Variants in LRCH1 observed in about 807,000 individuals in gnomAD.
LRCH1 encodes leucine-rich repeat and calponin homology domain-containing protein 1.
Under a neutral mutation model 94.9 loss-of-function variants are expected in LRCH1, and 23 were observed. The observed-to-expected ratio is 0.24, with a 90% CI of 0.17 to 0.34. The LOEUF (loss-of-function observed/expected upper bound fraction) is 0.34, where lower values mean the gene tolerates loss of function less well. Ranked by LOEUF, LRCH1 falls within the 10% of genes least tolerant of loss-of-function variation. The pLI is 1.00. For missense variants in LRCH1, 790 were observed against 945.9 expected, an observed-to-expected ratio of 0.84 and a Z score of 2.16; for synonymous variants, 364 against 354.9, an observed-to-expected ratio of 1.03 and a Z score of -0.29.
intron 2 of LRCH1, among the ~76,000 whole-genome samples, chr13:46,652,199 A>G (rs1019268448): frequency 6.7e-6 from 1 of 149,672 alleles, no homozygotes; most frequent in Non-Finnish European, 1.5e-5. Context: ...GCCTCAGCCT[A>G]CTGAGTAGCT....
At chr13:46,686,989 C>T (rs1458169658) in intron 5 of LRCH1, among the ~76,000 whole-genome samples, 3 of 112,804 alleles carry the variant, frequency 2.7e-5, no homozygotes, top group South Asian at 3.0e-4. Context: ...GACAGAGTCT[C>T]GCTCTGTCGC....
chr13:46,742,587 A>C lies in LRCH1; in HGVS notation c.*739A>C. On this transcript the variant is annotated 3_prime_UTR_variant, in exon 20 of 20. Coordinates refer to ENST00000389797, the MANE Select transcript of LRCH1 (RefSeq NM_001164211.2). ...CCTCACGTGGAGGAGTCACTTAAACACCAGTTTTTTACTGCTTAATTCCTT... is the reference window on the plus strand; with the variant it reads ...CCTCACGTGGAGGAGTCACTTAAACCCCAGTTTTTTACTGCTTAATTCCTT... 5.1e-6 allele frequency: 5 copies of C among 985,420 alleles called. No homozygotes were observed. Among genetic ancestry groups the C allele is most frequent in the Non-Finnish European group, 6.0e-6 (5 of 829,942 alleles). The allele number at this position is 985,420 out of a possible 1,614,324, so 61.0% of individuals were successfully genotyped here. A position where few individuals can be genotyped will look rare whatever the true frequency, so the allele number is the denominator to read the frequency against.
chr13:46,661,233 C>T (rs2051444205), intron 2 of LRCH1, among the ~76,000 whole-genome samples: 1 of 152,150 alleles, frequency 6.6e-6, no homozygotes, highest in South Asian at 2.1e-4. Flanking sequence ...CAAACCTGAA[C>T]ACAGAGGCAC....
intron 2 of LRCH1, among the ~76,000 whole-genome samples, chr13:46,651,703 CT>C (rs58584317): frequency 0.085 from 10,835 of 127,008 alleles, 498 homozygotes; most frequent in Middle Eastern, 0.14. Flanking sequence ...TGTAGAAGTG[CT>C]TTTTTTTTTT....
At chr13:46,692,147 T>TA (rs1348721420) in intron 7 of LRCH1, among the ~76,000 whole-genome samples, 1 of 152,136 alleles carries the variant, frequency 6.6e-6, no homozygotes, top group Non-Finnish European at 1.5e-5. Flanking sequence ...GGAGGGGACA[T>TA]ACATCCAAAC....
At chr13:46,623,178 T>A (rs2050900368) in intron 1 of LRCH1, among the ~76,000 whole-genome samples, 1 of 152,182 alleles carries the variant, frequency 6.6e-6, no homozygotes, top group African/African-American at 2.4e-5. Flanking sequence ...AGCTGGGGAC[T>A]TATCATCTGG....
chr13:46,578,879 G>A (rs1452711571), intron 1 of LRCH1, among the ~76,000 whole-genome samples: 1 of 152,174 alleles, frequency 6.6e-6, no homozygotes, highest in African/African-American at 2.4e-5. Context: ...TGGTTGGCGG[G>A]AGGAGGGGAG....
exon 19 of LRCH1, chr13:46,750,821 G>T: frequency 2.0e-6 from 1 of 505,182 alleles, no homozygotes; most frequent in South Asian, 3.2e-5. Flanking sequence ...TTTCAGAGCT[G>T]ACCTCCGACT....
rs184765677 is a variant in LRCH1 at position 46,577,245 on chromosome 13, C to T, written c.307+23542C>T. On this transcript the variant is annotated intron_variant, in intron 1 of 19. Transcript: ENST00000389797. ...CCAAGTAGCTAGGATTACAGGCACA[C>T]GCCACCATGCCTGGCTAATTTTTGT... 8.5e-5 allele frequency among the ~76,000 whole-genome samples: 13 copies of T among 152,242 alleles called. No homozygotes were observed. In the East Asian group the frequency reaches 1.2e-3, roughly 14 times the overall value.
chr13:46,738,434 T>A (rs1355584188), intron 19 of LRCH1, among the ~76,000 whole-genome samples: 1 of 152,264 alleles, frequency 6.6e-6, no homozygotes, highest in African/African-American at 2.4e-5. Context: ...AAAGGTTTTA[T>A]ATATGAAAGT....
At chr13:46,706,619 C>T (rs1024118463) in intron 13 of LRCH1, among the ~76,000 whole-genome samples, 7 of 152,046 alleles carry the variant, frequency 4.6e-5, no homozygotes, top group African/African-American at 7.2e-5. Flanking sequence ...GATGAGATCT[C>T]GCTTTGTTGC....
At chr13:46,611,899 G>A (rs2050751922) in intron 1 of LRCH1, among the ~76,000 whole-genome samples, 1 of 152,188 alleles carries the variant, frequency 6.6e-6, no homozygotes, top group Non-Finnish European at 1.5e-5. Context: ...CTGAGGAAAA[G>A]ATCATAGGGC....
intron 1 of LRCH1, among the ~76,000 whole-genome samples, chr13:46,563,878 C>G (rs886139044): frequency 3.9e-5 from 6 of 152,148 alleles, no homozygotes; most frequent in African/African-American, 1.4e-4. Context: ...AGGGCAGAGT[C>G]TCCCAGGCTC....
chr13:46,645,105 AG>A (rs35014736), intron 1 of LRCH1, among the ~76,000 whole-genome samples: 99,338 of 151,962 alleles, frequency 0.65, 32,755 homozygotes, highest in East Asian at 0.85. Flanking sequence ...AAAGATAAGA[AG>A]GGGGGAGAGC....
At chr13:46,737,290 G>A (rs1404754283) in intron 19 of LRCH1, among the ~76,000 whole-genome samples, 2 of 152,144 alleles carry the variant, frequency 1.3e-5, no homozygotes, top group South Asian at 4.1e-4. Context: ...TTTTAAGACA[G>A]GGTCTCACTG....
chr13:46,646,783 G>C lies in LRCH1; in HGVS notation c.308-3418G>C, dbSNP rs1369366578. On this transcript the variant is annotated intron_variant, in intron 1 of 19. Transcript: ENST00000389797. Reference sequence around the variant, plus strand: ...TTAATGGTATATTAATACTTAACCAGTCCTCTATTTTATTTGCTTTCCATC... The same window carrying C: ...TTAATGGTATATTAATACTTAACCACTCCTCTATTTTATTTGCTTTCCATC... 3.9e-5 allele frequency among the ~76,000 whole-genome samples: 6 copies of C among 152,134 alleles called. No homozygotes were observed. The East Asian group carries it at 1.2e-3, about 29-fold the overall frequency.
At chr13:46,554,166 G>C (rs950586827) in intron 1 of LRCH1, among the ~76,000 whole-genome samples, 1 of 152,264 alleles carries the variant, frequency 6.6e-6, no homozygotes, top group Non-Finnish European at 1.5e-5. Flanking sequence ...GCATCGAGGC[G>C]TAGCCCATCC....
At chr13:46,682,448 T>A (rs1424629488) in intron 4 of LRCH1, among the ~76,000 whole-genome samples, 3 of 152,194 alleles carry the variant, frequency 2.0e-5, no homozygotes, top group Non-Finnish European at 4.4e-5. Flanking sequence ...GGTTAGGACT[T>A]CAATATATGA....
Position 46,742,329 on chromosome 13 carries a change from T to C in LRCH1, c.*481T>C. ...TTGCAGGGAGGACAGAAAACTAACA[T>C]TTTGGCCCAACTTGATCTATACAAA... On this transcript the variant is annotated 3_prime_UTR_variant, in exon 20 of 20. Transcript: ENST00000389797. 2.0e-6 allele frequency: 2 copies of C among 1,002,684 alleles called. No homozygotes were observed. Among genetic ancestry groups the C allele is most frequent in the Non-Finnish European group, 2.4e-6 (2 of 839,858 alleles). 62.1% of individuals were successfully genotyped at this position (1,002,684 alleles called of 1,614,324 possible).
Sources: allele counts gnomAD v4.1 joint callset (sites outside exome capture counted in the v4.1 genomes callset), GRCh38; gene constraint gnomAD v4.1.1; transcripts MANE v1.5; gene names NCBI Gene and HGNC (gene_info 2026-07-23, HGNC 2026-07-21).